The following ALDH6A1 variants were observed in gnomAD, a reference collection of about 807,000 sequenced individuals.
ALDH6A1 encodes aldehyde dehydrogenase 6 family member A1, also known as methylmalonate-semialdehyde/malonate-semialdehyde dehydrogenase [acylating], mitochondrial.
A neutral mutation model predicts 62.6 loss-of-function variants in ALDH6A1; 43 were observed. The ratio of observed to expected loss-of-function variants is 0.69; its 90% CI spans 0.54 to 0.89. ALDH6A1 has a LOEUF of 0.89. Among genes scored for constraint, ALDH6A1 ranks in the 40% least tolerant of loss-of-function variants. ALDH6A1 has a pLI of 0.00. For synonymous variants in ALDH6A1, 194 were observed against 234.2 expected, an observed-to-expected ratio of 0.83 and a Z score of 1.57; for missense variants, 551 against 661.3, an observed-to-expected ratio of 0.83 and a Z score of 1.83.
In ALDH6A1 at chr14:74,071,695, CA is replaced by C. The variant is rs557115224; in HGVS notation, c.428-199del. On this transcript the variant is annotated intron_variant, in intron 5 of 11. Transcript: ENST00000553458. The stretch of plus-strand genomic sequence containing the variant: ...AAAAATACAGCGATATGTATATACC[CA>C]CTGGAAGATCATTTGAGTAAAGAGT... 104 of 1,489,508 alleles carry C rather than the reference CA, an allele frequency of 7.0e-5. No homozygotes were observed. In the African/African-American group the frequency reaches 1.4e-3, roughly 20 times the overall value. 92.3% of individuals were successfully genotyped at this position (1,489,508 alleles called of 1,614,324 possible). A position where few individuals can be genotyped will look rare whatever the true frequency, so the allele number is the denominator to read the frequency against.
At chr14:74,083,321 T>C (rs879857755) in intron 1 of ALDH6A1, among the ~76,000 whole-genome samples, 11 of 152,258 alleles carry the variant, frequency 7.2e-5, no homozygotes, top group Admixed American at 7.2e-4. Flanking sequence ...AGACTGTTTC[T>C]TGCCTGCGGT....
In ALDH6A1 at chr14:74,072,343, G is replaced by A. The variant is rs765634338; in HGVS notation, c.208C>T (p.Arg70Trp). 5.6e-6 allele frequency: 9 copies of A among 1,614,102 alleles called. No individual in the cohort carries two copies. Among genetic ancestry groups the A allele is most frequent in the Admixed American group, 3.3e-5 (2 of 60,020 alleles). The change falls in exon 4 of 12, where the codon CGG becomes TGG. Residue 70 changes from arginine to tryptophan, a missense_variant. Physicochemically the swap from Arg to Trp is moderately radical, Grantham distance 101. Transcript: ENST00000553458. ...HNPATNEVIG[R>W]VPQATKAEMD... ...TCTGCCTTGGTGGCCTGAGGGACCC[G>A]ACCAATGACCTCATTGGTGGCCTGA...
intron 2 of ALDH6A1, among the ~76,000 whole-genome samples, chr14:74,073,404 C>T (rs1227892547): frequency 1.3e-5 from 2 of 151,316 alleles, no homozygotes; most frequent in African/African-American, 2.5e-5. Flanking sequence ...CGTGCCCAGA[C>T]TATAGTATAT....
intron 1 of ALDH6A1, among the ~76,000 whole-genome samples, chr14:74,079,389 G>A (rs2060647525): frequency 6.6e-6 from 1 of 151,754 alleles, no homozygotes; most frequent in Non-Finnish European, 1.5e-5. Flanking sequence ...TGGGATTACA[G>A]GCATATGCCA....
At chr14:74,079,506 T>C (rs1469487711) in intron 1 of ALDH6A1, among the ~76,000 whole-genome samples, 1 of 151,342 alleles carries the variant, frequency 6.6e-6, no homozygotes, top group Non-Finnish European at 1.5e-5. Context: ...CGATCTTGGC[T>C]CACCGCAAGC....
At chr14:74,062,051 GAA>G (rs369414700) in intron 11 of ALDH6A1, among the ~76,000 whole-genome samples, 7,095 of 59,066 alleles carry the variant, frequency 0.12, 297 homozygotes, top group Admixed American at 0.15. Context: ...TCTCTACTGG[GAA>G]AAAAAAAAAA....
intron 6 of ALDH6A1, among the ~76,000 whole-genome samples, chr14:74,069,965 C>T (rs1183770872): frequency 6.6e-6 from 1 of 151,202 alleles, no homozygotes; most frequent in Non-Finnish European, 1.5e-5. Flanking sequence ...TGTCTTCCCA[C>T]CTCATGGGAC....
chr14:74,057,332 G>C lies in ALDH6A1; in HGVS notation c.*3310C>G. ...CCCATGTCGCTTCTTGCTAAATCAC[G>C]GTTATTTTCTCTACTAGTTGAGAGA... On this transcript the variant is annotated 3_prime_UTR_variant, in exon 12 of 12. Coordinates refer to ENST00000553458, the MANE Select transcript of ALDH6A1 (RefSeq NM_005589.4). 1.2e-6 allele frequency: 2 copies of C among 1,600,544 alleles called. No homozygotes were observed. Among genetic ancestry groups the C allele is most frequent in the Non-Finnish European group, 8.5e-7 (1 of 1,172,792 alleles).
intron 2 of ALDH6A1, among the ~76,000 whole-genome samples, chr14:74,074,166 G>A (rs1309084122): frequency 6.6e-6 from 1 of 151,590 alleles, no homozygotes; most frequent in East Asian, 2.0e-4. Flanking sequence ...TTGTAGAGAT[G>A]GGGTTTCACC....
Position 74,057,285 on chromosome 14 carries a change from A to G in ALDH6A1, c.*3357T>C, listed in dbSNP as rs759851246. 5.6e-6 allele frequency: 9 copies of G among 1,614,016 alleles called. No individual in the cohort carries two copies. In the Middle Eastern group the frequency reaches 4.9e-4, roughly 89 times the overall value. ...TAAGGAGTCTGTATCTAATCAAACA[A>G]TGTATATTGTTGTCACCCTTCCCCA... On this transcript the variant is annotated 3_prime_UTR_variant, in exon 12 of 12. Coordinates refer to ENST00000553458, the MANE Select transcript of ALDH6A1 (RefSeq NM_005589.4).
At chr14:74,069,095 CTTTT>C (rs888161921) in intron 6 of ALDH6A1, 114 bp from the exon 7 acceptor site, 12 of 633,222 alleles carry the variant, frequency 1.9e-5, no homozygotes, top group African/African-American at 2.4e-5. Flanking sequence ...TTTTCTTTTA[CTTTT>C]TCTTTTTTTT....
rs1474675611 is a variant in ALDH6A1, at chr14:74,057,458, A to G, written c.*3184T>C. On this transcript the variant is annotated 3_prime_UTR_variant, in exon 12 of 12. Coordinates refer to ENST00000553458, the MANE Select transcript of ALDH6A1 (RefSeq NM_005589.4). ...TGCATATTATACTAATGCAAATGCAAATGTGTGCCTCTTTTTGTGTAGAAA... is the reference window on the plus strand; with the variant it reads ...TGCATATTATACTAATGCAAATGCAGATGTGTGCCTCTTTTTGTGTAGAAA... 6 of 1,456,946 alleles carry G rather than the reference A, an allele frequency of 4.1e-6. No individual in the cohort carries two copies. Among genetic ancestry groups the G allele is most frequent in the Non-Finnish European group, 5.4e-6 (6 of 1,107,978 alleles). The allele number at this position is 1,456,946 out of a possible 1,614,324, so 90.3% of individuals were successfully genotyped here. A position where few individuals can be genotyped will look rare whatever the true frequency, so the allele number is the denominator to read the frequency against.
rs2060565226 is a variant in ALDH6A1 at position 74,072,596 on chromosome 14, A to G, written c.127T>C (p.Phe43Leu). The G allele has an allele frequency of 2.5e-6, 4 of 1,613,726 alleles. No homozygotes were observed. The highest frequency in any genetic ancestry group is 2.5e-6 in the Non-Finnish European group (3 of 1,179,978). ...GATTCAACGAATTTCCCACCAATGA[A>G]GAGCTTTACAGTTGGCTGAAAAAAA... ...FSSSVPTVKL[F>L]IGGKFVESKS... is the part of the protein sequence containing the mutation. Residue 43 changes from phenylalanine to leucine, a missense_variant, in exon 3 of 12, where the codon TTC (phenylalanine) becomes CTC (leucine). Transcript: ENST00000553458.
Position 74,071,305 on chromosome 14 carries a change from A to C in ALDH6A1, c.620T>G (p.Leu207Arg). ...AGGGACTCGCTCAGATGGTTTCATT[A>C]GGAAGGTATTTCCACACACCATGGC... ...PMAMVCGNTF[L>R]MKPSERVPGA... Residue 207 changes from leucine to arginine, a missense_variant, in exon 6 of 12, where the codon CTA (leucine) becomes CGA (arginine). Transcript: ENST00000553458. The C allele has an allele frequency of 1.9e-6, 3 of 1,614,226 alleles. No homozygotes were observed. Among genetic ancestry groups the C allele is most frequent in the Non-Finnish European group, 2.5e-6 (3 of 1,180,042 alleles).
In ALDH6A1 at chr14:74,066,626, T is replaced by C. The variant is rs1226045567; in HGVS notation, c.1224+79A>G. 6 of 1,366,582 alleles carry C rather than the reference T, an allele frequency of 4.4e-6. No individual in the cohort carries two copies. In the Admixed American group the frequency reaches 1.0e-4, roughly 23 times the overall value. 84.7% of individuals were successfully genotyped at this position (1,366,582 alleles called of 1,614,324 possible). ...AGGTCTTAGTCATTAAGTATTTTCATTAATAAATTAGAGGGATGAGATTCT... is the reference window on the plus strand; with the variant it reads ...AGGTCTTAGTCATTAAGTATTTTCACTAATAAATTAGAGGGATGAGATTCT... On this transcript the variant is annotated intron_variant, in intron 9 of 11. Coordinates refer to ENST00000553458, the MANE Select transcript of ALDH6A1 (RefSeq NM_005589.4).
chr14:74,074,945 A>C lies in ALDH6A1; in HGVS notation c.111+10T>G. The C allele has an allele frequency of 6.2e-7, 1 of 1,613,800 alleles. No individual in the cohort carries two copies. Among genetic ancestry groups the C allele is most frequent in the South Asian group, 1.1e-5 (1 of 91,070 alleles). ...TCTCAGAAGTCAACCTCTATGCCAA[A>C]TAAACTCACCACTGAAGAAGAGAAG... On this transcript the variant is annotated intron_variant, in intron 2 of 11. Coordinates refer to ENST00000553458, the MANE Select transcript of ALDH6A1 (RefSeq NM_005589.4).
chr14:74,066,692 G>A lies in ALDH6A1; in HGVS notation c.1224+13C>T. On this transcript the variant is annotated intron_variant, in intron 9 of 11. Transcript: ENST00000553458. The stretch of plus-strand genomic sequence containing the variant: ...CCTTCAGCTCTCATATTTGTGAAGT[G>A]AAAGTTGTTCACCTTGACATTCGAG... The A allele has an allele frequency of 2.5e-6, 4 of 1,612,742 alleles. No homozygotes were observed. Among genetic ancestry groups the A allele is most frequent in the Non-Finnish European group, 3.4e-6 (4 of 1,178,770 alleles).
chr14:74,084,402 G>C lies in ALDH6A1; in HGVS notation c.-8C>G, dbSNP rs755655164. 1.2e-6 allele frequency: 2 copies of C among 1,612,968 alleles called. No individual in the cohort carries two copies. Among genetic ancestry groups the C allele is most frequent in the Non-Finnish European group, 8.5e-7 (1 of 1,179,866 alleles). ...CGCCAATAGCGCCGCCATGGCTCTC[G>C]GCCGCCCTAGCTCCGCACCCCGCGC... On this transcript the variant is annotated 5_prime_UTR_variant, in exon 1 of 12. Coordinates refer to ENST00000553458, the MANE Select transcript of ALDH6A1 (RefSeq NM_005589.4).
chr14:74,064,089 G>A (rs1303062431), intron 11 of ALDH6A1, among the ~76,000 whole-genome samples: 2 of 151,704 alleles, frequency 1.3e-5, no homozygotes, highest in Non-Finnish European at 2.9e-5. Context: ...CACAAGGTCA[G>A]GAGTTCAAGA....
Sources: allele counts gnomAD v4.1 joint callset (sites outside exome capture counted in the v4.1 genomes callset), GRCh38; gene constraint gnomAD v4.1.1; transcripts MANE v1.5; gene names NCBI Gene and HGNC (gene_info 2026-07-23, HGNC 2026-07-21).